The following EGF variants were observed in gnomAD, a reference collection of about 807,000 sequenced individuals.
EGF encodes pro-epidermal growth factor.
EGF carries 95 observed loss-of-function variants against 143.8 expected under a neutral mutation model. The ratio of observed to expected loss-of-function variants is 0.66; its 90% CI spans 0.56 to 0.78. The LOEUF (loss-of-function observed/expected upper bound fraction) is 0.78. Ranked by LOEUF, EGF falls within the 30% of genes least tolerant of loss-of-function variation. The pLI, the probability that EGF is intolerant of heterozygous loss-of-function variation, is 0.00. For missense variants in EGF, 1,320 were observed against 1,470.9 expected (o/e 0.90, Z 1.68); for synonymous variants, 510 against 510.5 (o/e 1.00, Z 0.01).
chr4:109,958,023 G>T (rs1217775281), intron 5 of EGF, among the ~76,000 whole-genome samples: 1 of 152,198 alleles, frequency 6.6e-6, no homozygotes, highest in African/African-American at 2.4e-5. Flanking sequence ...TTTGGAAAGA[G>T]ATATGCAGTT....
In EGF at chr4:109,913,406, A is replaced by C. The variant is rs758189794; in HGVS notation, c.71A>C (p.Gln24Pro). The C allele has an allele frequency of 1.2e-6, 2 of 1,613,998 alleles. No homozygotes were observed. Among genetic ancestry groups the C allele is most frequent in the Non-Finnish European group, 1.7e-6 (2 of 1,179,922 alleles). Residue 24 changes from glutamine (Q) to proline (P), a missense_variant, in exon 1 of 24, where the codon CAG (glutamine) becomes CCG (proline). Physicochemically the swap from Gln to Pro is moderately conservative, Grantham distance 76 (BLOSUM62 -1). This residue lies in a region of EGF where 79 missense variants were observed against 71.2 expected (regional missense o/e 1.11). Coordinates refer to ENST00000265171, the MANE Select transcript of EGF (RefSeq NM_001963.6). ...AGTTTTGTTAGTCTCTCAGCACCGC[A>C]GCACTGGAGCTGTCCTGAAGGTACT... ...KFSFVSLSAP[Q>P]HWSCPEGTLA...
rs748211601 is a variant in EGF, at chr4:109,945,287, T to C, written c.940+12T>C. 1.4e-5 allele frequency: 22 copies of C among 1,611,604 alleles called. No individual in the cohort carries two copies. The African/African-American group carries it at 1.5e-4, about 11-fold the overall frequency. Reference sequence around the variant, plus strand: ...CACTTGGGAGCCTGGTGAGTCATCGTTGACCTTGCGCAGGGCCTGACACAT... The same window carrying C: ...CACTTGGGAGCCTGGTGAGTCATCGCTGACCTTGCGCAGGGCCTGACACAT... On this transcript the variant is annotated intron_variant, in intron 5 of 23. Transcript: ENST00000265171.
At position 110,011,509 on chromosome 4, in the gene EGF, TC is replaced by T; in HGVS notation, c.*55del. 1.2e-6 allele frequency: 2 copies of T among 1,613,460 alleles called. No individual in the cohort carries two copies. Among genetic ancestry groups the T allele is most frequent in the South Asian group, 2.2e-5 (2 of 91,016 alleles). On this transcript the variant is annotated 3_prime_UTR_variant, in exon 24 of 24. Coordinates refer to ENST00000265171, the MANE Select transcript of EGF (RefSeq NM_001963.6). ...GAATGAACTATGTCGATGCACAGTA[TC>T]TTTTCTTTCAAAAGTAGAGCAAAAC...
At chr4:109,977,993 A>T (rs1242575949) in intron 13 of EGF, among the ~76,000 whole-genome samples, 2 of 152,236 alleles carry the variant, frequency 1.3e-5, no homozygotes. Flanking sequence ...TGTATCATTT[A>T]TATTGCTACT....
chr4:109,993,196 C>G, intron 18 of EGF, 51 bp from the exon 19 acceptor site: 1 of 1,610,440 alleles, frequency 6.2e-7, no homozygotes, highest in Non-Finnish European at 8.5e-7. Flanking sequence ...CTATAAAACC[C>G]TCTTTTTCTG....
chr4:109,969,872 A>G (rs192556764), intron 11 of EGF, among the ~76,000 whole-genome samples: 3 of 152,324 alleles, frequency 2.0e-5, no homozygotes, highest in Non-Finnish European at 2.9e-5. Flanking sequence ...AAGAAATGTC[A>G]TAGGGCCACA....
intron 5 of EGF, among the ~76,000 whole-genome samples, chr4:109,946,547 T>C (rs560207027): frequency 6.6e-6 from 1 of 152,312 alleles, no homozygotes; most frequent in Non-Finnish European, 1.5e-5. Context: ...CCTTCACCTC[T>C]TACTTTTTTC....
At chr4:109,985,435 T>C (rs983263096) in intron 16 of EGF, among the ~76,000 whole-genome samples, 6 of 152,240 alleles carry the variant, frequency 3.9e-5, no homozygotes, top group African/African-American at 1.2e-4. Flanking sequence ...GGGCCCTGTA[T>C]GAAACAACCT....
chr4:109,974,532 CTTTG>C (rs1448250752), intron 11 of EGF, among the ~76,000 whole-genome samples, 167 bp from the exon 12 acceptor site: 3 of 152,016 alleles, frequency 2.0e-5, no homozygotes, highest in African/African-American at 4.8e-5. Context: ...ATTGCTGCTA[CTTTG>C]TTTGTGGGTG....
At chr4:109,949,855 G>T (rs1414582502) in intron 5 of EGF, among the ~76,000 whole-genome samples, 1 of 152,192 alleles carries the variant, frequency 6.6e-6, no homozygotes. Context: ...TTGATTTGTT[G>T]GTTTGAACAA....
rs554061331 is a variant in EGF, at chr4:109,941,052, C to G, written c.234C>G (p.Ile78Met). The G allele has an allele frequency of 1.2e-6, 2 of 1,613,950 alleles. No individual in the cohort carries two copies. Among genetic ancestry groups the G allele is most frequent in the Admixed American group, 1.7e-5 (1 of 60,014 alleles). Reference sequence around the variant, plus strand: ...TGGTGGATGCTGGTGTCTCAGTGATCATGGATTTTCATTATAATGAGAAAA... The same window carrying G: ...TGGTGGATGCTGGTGTCTCAGTGATGATGGATTTTCATTATAATGAGAAAA... ...QLVVDAGVSV[I>M]MDFHYNEKRI... The change falls in exon 2 of 24, where the codon ATC (isoleucine) becomes ATG (methionine). Residue 78 changes from isoleucine (I) to methionine (M), a missense_variant. By Grantham distance (10) the Ile-to-Met change is conservative (BLOSUM62 1). Coordinates refer to ENST00000265171, the MANE Select transcript of EGF (RefSeq NM_001963.6).
chr4:109,973,329 A>C (rs17041117), intron 11 of EGF, among the ~76,000 whole-genome samples: 2,288 of 152,220 alleles, frequency 0.015, 68 homozygotes, highest in African/African-American at 0.051. Context: ...ACTGCCCCAC[A>C]TTCTTTAGGT....
At chr4:109,972,274 T>C (rs1747781629) in intron 11 of EGF, among the ~76,000 whole-genome samples, 1 of 152,236 alleles carries the variant, frequency 6.6e-6, no homozygotes, top group African/African-American at 2.4e-5. Context: ...ATTTGCTCTC[T>C]AGCTGAATCA....
At chr4:109,923,175 A>G (rs1400266236) in intron 1 of EGF, among the ~76,000 whole-genome samples, 1 of 151,470 alleles carries the variant, frequency 6.6e-6, no homozygotes, top group Admixed American at 6.6e-5. Flanking sequence ...AATATTTTTT[A>G]TGTATATTTA....
At chr4:109,972,795 C>A (rs1747865213) in intron 11 of EGF, among the ~76,000 whole-genome samples, 1 of 152,138 alleles carries the variant, frequency 6.6e-6, no homozygotes, top group Admixed American at 6.5e-5. Context: ...GTGAATAAGG[C>A]CCTGTGCATA....
chr4:109,963,817 T>C (rs949842992), intron 9 of EGF, among the ~76,000 whole-genome samples: 1 of 152,232 alleles, frequency 6.6e-6, no homozygotes, highest in Non-Finnish European at 1.5e-5. Context: ...TGAAGGTTCA[T>C]TATGTTTTAA....
At chr4:109,943,476 A>G (rs1392491769) in intron 3 of EGF, 41 bp downstream of exon 3, 1 of 1,583,744 alleles carries the variant, frequency 6.3e-7, no homozygotes, top group African/African-American at 1.3e-5. Context: ...ATATTTACAA[A>G]TCTAGTGAAG....
chr4:110,004,713 G>A (rs1419982460), intron 22 of EGF, 91 bp downstream of exon 22: 5 of 999,974 alleles, frequency 5.0e-6, no homozygotes, highest in Non-Finnish European at 7.1e-6. Flanking sequence ...CAGAATGACT[G>A]GAATCAGTTA....
chr4:109,943,874 G>A lies in EGF; in HGVS notation c.542G>A (p.Ser181Asn). The A allele has an allele frequency of 6.2e-7, 1 of 1,614,190 alleles. No individual in the cohort carries two copies. The highest frequency in any genetic ancestry group is 8.5e-7 in the Non-Finnish European group (1 of 1,180,036). ...TTTTGGTCTTCAGAGGTGGCTGGAA[G>A]CCTTTATAGAGCAGATCTCGATGGT... is the stretch of plus-strand genomic sequence containing the variant. ...FIFWSSEVAG[S>N]LYRADLDGVG... Residue 181 changes from serine (S) to asparagine (N), a missense_variant, in exon 4 of 24, where the codon AGC becomes AAC. Transcript: ENST00000265171.
Sources: allele counts gnomAD v4.1 joint callset (sites outside exome capture counted in the v4.1 genomes callset), GRCh38; gene constraint gnomAD v4.1.1; regional missense constraint gnomAD v4.1.1; transcripts MANE v1.5; gene names NCBI Gene and HGNC (gene_info 2026-07-23, HGNC 2026-07-21).